The following DNAJC11 variants were observed in gnomAD, a reference collection of about 807,000 sequenced individuals.
The protein encoded by DNAJC11 is dnaJ homolog subfamily C member 11.
In DNAJC11, 15 loss-of-function variants were observed where a neutral mutation model predicts 78.6. That is an observed-to-expected ratio of 0.19 (90% CI 0.13 to 0.29). The LOEUF (loss-of-function observed/expected upper bound fraction) is 0.29, where lower values mean the gene tolerates loss of function less well. Ranked by LOEUF, DNAJC11 falls within the 10% of genes least tolerant of loss-of-function variation. The probability of loss-of-function intolerance (pLI) is 1.00; values close to 1 mark genes in which losing one functional copy is unlikely to be tolerated. For missense variants in DNAJC11, 547 were observed against 709.6 expected (o/e 0.77, Z 2.60); for synonymous variants, 292 against 272.1 (o/e 1.07, Z -0.72).
chr1:6,636,490 G>T (rs1641771134), intron 14 of DNAJC11, among the ~76,000 whole-genome samples: 1 of 152,154 alleles, frequency 6.6e-6, no homozygotes, highest in Admixed American at 6.5e-5. Context: ...GGAACTCTCT[G>T]GCCTGAGCTA....
chr1:6,698,626 T>TAA (rs35596906), intron 1 of DNAJC11, among the ~76,000 whole-genome samples: 5 of 146,024 alleles, frequency 3.4e-5, no homozygotes, highest in African/African-American at 1.3e-4. Context: ...TTGGGAGAAG[T>TAA]AAAAAAAAAA....
chr1:6,637,356 G>A lies in DNAJC11; in HGVS notation c.1382-16C>T, dbSNP rs756203458. On this transcript the variant is annotated splice_polypyrimidine_tract_variant and intron_variant, in intron 13 of 15. Coordinates refer to ENST00000377577, the MANE Select transcript of DNAJC11 (RefSeq NM_018198.4). The stretch of plus-strand genomic sequence containing the variant: ...ATGATGAGGCCTAAGGACAGACTCC[G>A]AGTAGAGGAAGGCCTCCTCCAGGCA... 1.7e-5 allele frequency: 28 copies of A among 1,614,208 alleles called. No individual in the cohort carries two copies. Among genetic ancestry groups the A allele is most frequent in the Admixed American group, 1.0e-4 (6 of 60,026 alleles).
At chr1:6,638,267 C>T (rs377744080) in intron 12 of DNAJC11, 28 bp downstream of exon 12, 31 of 1,606,104 alleles carry the variant, frequency 1.9e-5, no homozygotes, top group Admixed American at 1.0e-4. Context: ...CTACAGCCCT[C>T]GCTTGGGAAC....
chr1:6,677,717 C>A (rs576993236), intron 3 of DNAJC11, among the ~76,000 whole-genome samples: 28 of 152,208 alleles, frequency 1.8e-4, no homozygotes, highest in Non-Finnish European at 3.5e-4. Flanking sequence ...CAATGACTTG[C>A]CCAAGACTCT....
In DNAJC11 at chr1:6,645,266, G is replaced by A; in HGVS notation, c.895-140C>T. The A allele has an allele frequency of 3.1e-6, 2 of 638,988 alleles. No individual in the cohort carries two copies. The highest frequency in any genetic ancestry group is 2.7e-5 in the East Asian group (1 of 37,522). The allele number at this position is 638,988 out of a possible 1,614,324, so 39.6% of individuals were successfully genotyped here. A position where few individuals can be genotyped will look rare whatever the true frequency, so the allele number is the denominator to read the frequency against. On this transcript the variant is annotated intron_variant, in intron 8 of 15. Coordinates refer to ENST00000377577, the MANE Select transcript of DNAJC11 (RefSeq NM_018198.4). The surrounding 1 kb of genome is among the most constrained non-coding windows in gnomAD (Gnocchi z 4.1). ...GGGGTCACGGTCTGGCAGCCGCAGT[G>A]AGTGCACCATGATTTATTAGCAGCC...
chr1:6,672,042 C>A (rs1315392889), intron 3 of DNAJC11, among the ~76,000 whole-genome samples: 1 of 152,036 alleles, frequency 6.6e-6, no homozygotes, highest in African/African-American at 2.4e-5. Context: ...ACCATGTTGG[C>A]CAGGCTGGTC....
chr1:6,656,432 C>A (rs1438615378), intron 4 of DNAJC11, among the ~76,000 whole-genome samples: 2 of 151,498 alleles, frequency 1.3e-5, no homozygotes, highest in Non-Finnish European at 2.9e-5. Flanking sequence ...AAAAATGTGT[C>A]AAAGAAAACT....
chr1:6,648,326 T>C (rs956938943), intron 7 of DNAJC11, among the ~76,000 whole-genome samples: 3 of 152,132 alleles, frequency 2.0e-5, no homozygotes, highest in Non-Finnish European at 2.9e-5. Context: ...TGGCTAATTT[T>C]TGTATTTTTA....
intron 3 of DNAJC11, among the ~76,000 whole-genome samples, chr1:6,675,643 G>A (rs977618494): frequency 1.3e-5 from 2 of 152,090 alleles, no homozygotes; most frequent in African/African-American, 4.8e-5. Flanking sequence ...AGCTGGTCTC[G>A]AACTCCTGAG....
intron 1 of DNAJC11, among the ~76,000 whole-genome samples, chr1:6,691,174 G>C (rs1642738753): frequency 8.1e-6 from 1 of 124,204 alleles, no homozygotes; most frequent in Non-Finnish European, 1.7e-5. Context: ...AGTAACAACA[G>C]AATCCCAAAG....
chr1:6,653,777 A>T lies in DNAJC11; in HGVS notation c.507+134T>A. On this transcript the variant is annotated intron_variant, in intron 5 of 15. Transcript: ENST00000377577. This position sits in a 1 kb window ranked among gnomAD's most constrained non-coding sequence, Gnocchi z 4.5. The stretch of plus-strand genomic sequence containing the variant: ...CTGGGAATGAAGCGCTTTCTTTTTT[A>T]AGTGGCTAATTGCATCCTTTCATAA... The T allele has an allele frequency of 8.3e-7, 1 of 1,202,602 alleles. No homozygotes were observed. Among genetic ancestry groups the T allele is most frequent in the Non-Finnish European group, 1.2e-6 (1 of 861,480 alleles). 74.5% of individuals were successfully genotyped at this position (1,202,602 alleles called of 1,614,324 possible).
At chr1:6,643,971 A>T (rs1276492795) in intron 10 of DNAJC11, among the ~76,000 whole-genome samples, 2 of 151,668 alleles carry the variant, frequency 1.3e-5, no homozygotes, top group African/African-American at 4.8e-5. Flanking sequence ...CCTGGGTTCA[A>T]GCGATTCTCC....
At chr1:6,683,553 G>A (rs1268922895) in intron 1 of DNAJC11, among the ~76,000 whole-genome samples, 1 of 152,180 alleles carries the variant, frequency 6.6e-6, no homozygotes, top group Non-Finnish European at 1.5e-5. Flanking sequence ...GAGTCTTTGT[G>A]AGGCGTAATT....
Position 6,634,456 on chromosome 1 carries a change from G to C in DNAJC11, c.*1219C>G. On this transcript the variant is annotated 3_prime_UTR_variant, in exon 16 of 16. Coordinates refer to ENST00000377577, the MANE Select transcript of DNAJC11 (RefSeq NM_018198.4). ...TCAGATACCAGTGCTGGGGAGGGAG[G>C]CCTGACTTCAGCAACAGCTGTGGGT... 1 of 1,298,908 alleles carries C rather than the reference G, an allele frequency of 7.7e-7. No homozygotes were observed. Among genetic ancestry groups the C allele is most frequent in the Non-Finnish European group, 1.0e-6 (1 of 987,106 alleles). The allele number at this position is 1,298,908 out of a possible 1,614,324, so 80.5% of individuals were successfully genotyped here. A position where few individuals can be genotyped will look rare whatever the true frequency, so the allele number is the denominator to read the frequency against.
chr1:6,669,294 G>A (rs939753225), intron 3 of DNAJC11, among the ~76,000 whole-genome samples: 7 of 151,684 alleles, frequency 4.6e-5, no homozygotes, highest in Non-Finnish European at 7.4e-5. Context: ...TGGATCACCT[G>A]AGGTCAGGAG....
At chr1:6,679,168 G>A (rs919878328) in intron 2 of DNAJC11, among the ~76,000 whole-genome samples, 1 of 152,050 alleles carries the variant, frequency 6.6e-6, no homozygotes, top group Non-Finnish European at 1.5e-5. Flanking sequence ...TGAAAGAGTG[G>A]GTTCCAGTTT....
intron 15 of DNAJC11, 68 bp downstream of exon 15, chr1:6,636,049 C>A: frequency 6.5e-7 from 1 of 1,542,870 alleles, no homozygotes; most frequent in Non-Finnish European, 8.7e-7. Flanking sequence ...TGGCAGCCCA[C>A]ACACTGAGCA....
At position 6,696,282 on chromosome 1, in the gene DNAJC11, T is replaced by G. The variant is rs148588800; in HGVS notation, c.72+5447A>C. On this transcript the variant is annotated intron_variant, in intron 1 of 15. Transcript: ENST00000377577. Reference sequence around the variant, plus strand: ...CAAAATTAACTGCCCATCATGAAGTTTGATAAGAAAGCAATAAATGTGTAA... The same window carrying G: ...CAAAATTAACTGCCCATCATGAAGTGTGATAAGAAAGCAATAAATGTGTAA... Among the ~76,000 whole-genome samples the G allele has an allele frequency of 4.5e-3, 680 of 152,364 alleles. 1 individual carries two copies. Among genetic ancestry groups the G allele is most frequent in the Non-Finnish European group, 7.2e-3 (493 of 68,036 alleles).
chr1:6,656,209 G>A (rs1642124353), intron 4 of DNAJC11, among the ~76,000 whole-genome samples: 1 of 150,382 alleles, frequency 6.6e-6, no homozygotes, highest in Admixed American at 6.7e-5. Flanking sequence ...AAATAAATAA[G>A]AGTTTATGAG....
Sources: allele counts gnomAD v4.1 joint callset (sites outside exome capture counted in the v4.1 genomes callset), GRCh38; gene constraint gnomAD v4.1.1; non-coding constraint Gnocchi (gnomAD v3.1); transcripts MANE v1.5; gene names NCBI Gene and HGNC (gene_info 2026-07-23, HGNC 2026-07-21).